NEB: variants seen among roughly 807,000 people sequenced by gnomAD.
NEB encodes nebulin, also known as nemaline myopathy type 2.
A neutral mutation model predicts 952.2 loss-of-function variants in NEB; 512 were observed. That is an observed-to-expected ratio of 0.54 (90% CI 0.50 to 0.58). The LOEUF is 0.58. Among genes scored for constraint, NEB ranks in the 20% least tolerant of loss-of-function variants. The probability of loss-of-function intolerance (pLI) is 0.00; values close to 1 mark genes in which losing one functional copy is unlikely to be tolerated. For synonymous variants in NEB, 2,900 were observed against 3,149.8 expected (o/e 0.92, Z 2.66); for missense variants, 8,428 against 9,231.1 (o/e 0.91, Z 3.56).
Position 151,643,974 on chromosome 2 carries a change from G to T in NEB, c.7800C>A (p.Phe2600Leu). 6.2e-7 allele frequency: 1 copy of T among 1,613,964 alleles called. No individual in the cohort carries two copies. Among genetic ancestry groups the T allele is most frequent in the East Asian group, 2.2e-5 (1 of 44,872 alleles). Residue 2600 changes from phenylalanine to leucine, a missense_variant, in exon 57 of 182, where the codon TTC becomes TTA. Phe to Leu is a conservative substitution (Grantham distance 22). Transcript: ENST00000397345. Reference protein sequence around the residue: ...KKDFEKWKTKFSSPVDMLGVV... With the variant: ...KKDFEKWKTKLSSPVDMLGVV... ...CCCCCAGCATGTCCACTGGGCTGCTGAACTTGGTCTTCCACTTCTCAAAGT... is the reference window on the plus strand; with the variant it reads ...CCCCCAGCATGTCCACTGGGCTGCTTAACTTGGTCTTCCACTTCTCAAAGT...
chr2:151,731,280 TCA>T (rs1559723554), intron 3 of NEB, among the ~76,000 whole-genome samples: 1 of 152,198 alleles, frequency 6.6e-6, no homozygotes, highest in Non-Finnish European at 1.5e-5. Flanking sequence ...ATGCCAAATC[TCA>T]CTCTTTTTTT....
At chr2:151,655,201 C>G in intron 51 of NEB, 69 bp downstream of exon 51, 2 of 915,504 alleles carry the variant, frequency 2.2e-6, no homozygotes, top group Non-Finnish European at 3.3e-6. Flanking sequence ...TCAGTATTTA[C>G]TGTTACATTA....
chr2:151,531,431 C>A (rs1009615116), intron 144 of NEB, among the ~76,000 whole-genome samples: 6 of 151,088 alleles, frequency 4.0e-5, no homozygotes, highest in Non-Finnish European at 2.9e-5. Flanking sequence ...ATTGTCACGC[C>A]TCAGCCTCCT....
intron 20 of NEB, among the ~76,000 whole-genome samples, chr2:151,693,159 C>A (rs1341429329): frequency 6.6e-6 from 1 of 152,128 alleles, no homozygotes; most frequent in Non-Finnish European, 1.5e-5. Flanking sequence ...TTCTTTAGAG[C>A]AATAATAAAT....
rs887242556 is a variant in NEB at position 151,630,571 on chromosome 2, T to C, written c.9723+144A>G. 2.7e-5 allele frequency: 17 copies of C among 628,314 alleles called. No individual in the cohort carries two copies. In the African/African-American group the frequency reaches 3.1e-4, roughly 12 times the overall value. The allele number at this position is 628,314 out of a possible 1,614,324, so 38.9% of individuals were successfully genotyped here. A position where few individuals can be genotyped will look rare whatever the true frequency, so the allele number is the denominator to read the frequency against. Reference sequence around the variant, plus strand: ...CAGTGGAATCCCATAAAATGTAATATTTAACCCAGAGATGAAAGGTTGGAT... The same window carrying C: ...CAGTGGAATCCCATAAAATGTAATACTTAACCCAGAGATGAAAGGTTGGAT... On this transcript the variant is annotated intron_variant, in intron 67 of 181. Transcript: ENST00000397345.
In NEB at chr2:151,633,939, C is replaced by T; in HGVS notation, c.9129G>A (p.Lys3043=). ...GGGCTCCAATATGGTGGCCAAGTTGCTTGCAGTAACCATCTTTATATTTGT... is the reference window on the plus strand; with the variant it reads ...GGGCTCCAATATGGTGGCCAAGTTGTTTGCAGTAACCATCTTTATATTTGT... The part of the protein sequence containing the change: ...SDYKYKDGYC[K]QLGHHIGARN... The change falls in exon 65 of 182, where the codon AAG becomes AAA. Residue 3043 remains lysine (K), a synonymous_variant. Coordinates refer to ENST00000397345, the MANE Select transcript of NEB (RefSeq NM_001164508.2). 6.2e-7 allele frequency: 1 copy of T among 1,613,522 alleles called. No individual in the cohort carries two copies. The highest frequency in any genetic ancestry group is 8.5e-7 in the Non-Finnish European group (1 of 1,179,536).
chr2:151,561,801 C>T (rs2096079990), intron 121 of NEB, among the ~76,000 whole-genome samples: 1 of 152,016 alleles, frequency 6.6e-6, no homozygotes, highest in Admixed American at 6.6e-5. Flanking sequence ...ATGCTTCTAC[C>T]TCCTACTCTC....
intron 124 of NEB, 60 bp downstream of exon 124, chr2:151,560,532 A>T: frequency 8.7e-7 from 1 of 1,143,330 alleles, no homozygotes; most frequent in Non-Finnish European, 1.2e-6. Context: ...AGATTCTTGG[A>T]GTGGAGAGCA....
chr2:151,503,496 A>C (rs1434548439), intron 165 of NEB, 55 bp from the exon 166 acceptor site: 2 of 1,223,440 alleles, frequency 1.6e-6, no homozygotes, highest in Non-Finnish European at 2.4e-6. Flanking sequence ...AATCCTTTAG[A>C]TAGCAGCCAC....
rs567668342 is a variant in NEB at position 151,726,023 on chromosome 2, C to T, written c.295-463G>A. On this transcript the variant is annotated intron_variant, in intron 5 of 181. Transcript: ENST00000397345. ...ATTAATGGCAGATCTGAATTATATT[C>T]TGTAAATTTAGGAATGTGATTTTAT... Among the ~76,000 whole-genome samples the T allele has an allele frequency of 3.6e-4, 55 of 152,260 alleles. 1 individual carries two copies. The South Asian group carries it at 0.011, about 29-fold the overall frequency.
At chr2:151,623,332 G>A (rs1040505111) in intron 71 of NEB, among the ~76,000 whole-genome samples, 4 of 152,066 alleles carry the variant, frequency 2.6e-5, no homozygotes, top group African/African-American at 9.7e-5. Context: ...AAGATTTACA[G>A]TTCTATAAAG....
chr2:151,576,239 C>A lies in NEB; in HGVS notation c.16820G>T (p.Arg5607Leu). ...GTACTTAAGGTTCACCACAGGCGTC[C>A]GATAGACACTGTCACAAAAGATATT... is the stretch of plus-strand genomic sequence containing the variant. ...AQNIFCDSVY[R>L]TPVVNLKYTS... Residue 5607 changes from arginine to leucine, a missense_variant, in exon 106 of 182, where the codon CGG becomes CTG. This residue lies in a region of NEB where 3,374 missense variants were observed against 3,651.5 expected (regional missense o/e 0.92). Transcript: ENST00000397345. The A allele has an allele frequency of 1.2e-6, 2 of 1,611,098 alleles. No individual in the cohort carries two copies. Among genetic ancestry groups the A allele is most frequent in the Non-Finnish European group, 1.7e-6 (2 of 1,178,042 alleles).
chr2:151,503,026 T>C (rs2065917205), intron 166 of NEB, 141 bp from the exon 167 acceptor site: 6 of 610,348 alleles, frequency 9.8e-6, no homozygotes, highest in Non-Finnish European at 1.7e-5. Context: ...TTTTTACTTT[T>C]TTCACAGTTT....
intron 179 of NEB, 28 bp from the exon 180 acceptor site, chr2:151,490,546 T>C: frequency 6.2e-7 from 1 of 1,602,354 alleles, no homozygotes; most frequent in Non-Finnish European, 8.5e-7. Flanking sequence ...GGGGGAGATG[T>C]AGCAAACATG....
Position 151,677,764 on chromosome 2 carries a change from T to C in NEB, c.3575A>G (p.Tyr1192Cys), listed in dbSNP as rs1350245456. Residue 1192 changes from tyrosine to cysteine, a missense_variant, in exon 34 of 182, where the codon TAC (tyrosine) becomes TGC (cysteine). By Grantham distance (194) the Tyr-to-Cys change is radical (BLOSUM62 -2). Around this residue, in one of 11 missense-constraint regions of NEB, gnomAD observed 2,851 missense variants for 2,791.5 expected, o/e 1.02. Transcript: ENST00000397345. Reference protein sequence around the residue: ...NMMQIQSDNVYKEDYNNWMKG... With the variant: ...NMMQIQSDNVCKEDYNNWMKG... ...CATCCAGTTGTTGTAGTCTTCCTTG[T>C]AGACGTTCTACAGCAATGGAGAAAA... is the stretch of plus-strand genomic sequence containing the variant. 4 of 1,613,860 alleles carry C rather than the reference T, an allele frequency of 2.5e-6. No individual in the cohort carries two copies. The highest frequency in any genetic ancestry group is 1.3e-5 in the African/African-American group (1 of 74,924).
intron 181 of NEB, among the ~76,000 whole-genome samples, chr2:151,487,449 T>G (rs2051743462): frequency 6.6e-6 from 1 of 152,230 alleles, no homozygotes. Context: ...CTTTCCCCTT[T>G]GCATAAGTGG....
intron 51 of NEB, 59 bp from the exon 52 acceptor site, chr2:151,654,158 T>C: frequency 9.2e-7 from 1 of 1,087,768 alleles, no homozygotes; most frequent in Non-Finnish European, 1.3e-6. Flanking sequence ...ATCAATAGAT[T>C]ATTAGGGAAA....
At chr2:151,569,240 T>A in intron 110 of NEB, 28 bp downstream of exon 110, 1 of 1,578,118 alleles carries the variant, frequency 6.3e-7, no homozygotes, top group South Asian at 1.1e-5. Flanking sequence ...GGAAATGTAC[T>A]GAATGTCAGG....
At chr2:151,664,687 T>C (rs1350667394) in intron 43 of NEB, 72 bp downstream of exon 43, 1 of 1,527,430 alleles carries the variant, frequency 6.5e-7, no homozygotes, top group South Asian at 1.2e-5. Context: ...GTGGTTGGTA[T>C]GTAGAATGCA....
Sources: allele counts gnomAD v4.1 joint callset (sites outside exome capture counted in the v4.1 genomes callset), GRCh38; gene constraint gnomAD v4.1.1; regional missense constraint gnomAD v4.1.1; transcripts MANE v1.5; gene names NCBI Gene and HGNC (gene_info 2026-07-23, HGNC 2026-07-21).